The following TM2D1 variants were observed in gnomAD, a reference collection of about 807,000 sequenced individuals.
TM2D1 encodes TM2 domain containing 1.
In TM2D1, 15 loss-of-function variants were observed where a neutral mutation model predicts 28.4. The ratio of observed to expected loss-of-function variants is 0.53; its 90% CI spans 0.35 to 0.81. The LOEUF (loss-of-function observed/expected upper bound fraction) is 0.81, where lower values mean the gene tolerates loss of function less well. Ranked by LOEUF, TM2D1 falls within the 40% of genes least tolerant of loss-of-function variation. The probability of loss-of-function intolerance (pLI) is 0.01; values close to 1 mark genes in which losing one functional copy is unlikely to be tolerated. For missense variants in TM2D1, 236 were observed against 254.9 expected, an observed-to-expected ratio of 0.93 and a Z score of 0.50; for synonymous variants, 93 against 96.2, an observed-to-expected ratio of 0.97 and a Z score of 0.20.
chr1:61,709,545 A>G, intron 2 of TM2D1, 108 bp from the exon 3 acceptor site: 1 of 729,698 alleles, frequency 1.4e-6, no homozygotes, highest in Non-Finnish European at 2.4e-6. Context: ...TCCCAATATA[A>G]CATGACACAA....
chr1:61,708,473 C>T (rs528292516), intron 3 of TM2D1, among the ~76,000 whole-genome samples: 1 of 152,272 alleles, frequency 6.6e-6, no homozygotes, highest in South Asian at 2.1e-4. Flanking sequence ...CCAGGCTAAA[C>T]GTGAACTTCC....
intron 4 of TM2D1, among the ~76,000 whole-genome samples, chr1:61,697,054 C>G (rs1324621411): frequency 6.6e-6 from 1 of 151,946 alleles, no homozygotes; most frequent in Non-Finnish European, 1.5e-5. Flanking sequence ...TCGTTTAATT[C>G]TTATTGCCCT....
intron 2 of TM2D1, among the ~76,000 whole-genome samples, chr1:61,715,572 C>T (rs1258300519): frequency 3.0e-5 from 4 of 134,666 alleles, no homozygotes; most frequent in Admixed American, 8.4e-5. Context: ...TGCTTGAACC[C>T]GAGAGGCAGT....
intron 3 of TM2D1, 124 bp from the exon 4 acceptor site, chr1:61,701,149 T>C: frequency 1.5e-6 from 1 of 679,962 alleles, no homozygotes; most frequent in Non-Finnish European, 2.5e-6. Context: ...AGATGCCTCC[T>C]GTGTGTCAGG....
chr1:61,723,656 A>T, intron 2 of TM2D1, 57 bp downstream of exon 2: 1 of 901,814 alleles, frequency 1.1e-6, no homozygotes, highest in Non-Finnish European at 1.7e-6. Context: ...TCATACATTG[A>T]CCTATGAAAT....
At chr1:61,716,681 A>C (rs945855925) in intron 2 of TM2D1, among the ~76,000 whole-genome samples, 12 of 151,086 alleles carry the variant, frequency 7.9e-5, no homozygotes, top group Admixed American at 7.3e-4. Flanking sequence ...AGAAATGAAT[A>C]TAACATTGTG....
At chr1:61,691,932 A>AAAATATATATATACATATATATATAT in intron 5 of TM2D1, among the ~76,000 whole-genome samples, 1 of 76,414 alleles carries the variant, frequency 1.3e-5, no homozygotes, top group Admixed American at 1.7e-4. Flanking sequence ...AAAAAAAAAA[A>AAAATATATATATACATATATATATAT]ATATATATAT....
intron 2 of TM2D1, among the ~76,000 whole-genome samples, chr1:61,716,428 T>C (rs1286516493): frequency 1.4e-5 from 2 of 141,798 alleles, no homozygotes; most frequent in Non-Finnish European, 3.0e-5. Context: ...TATAATTATA[T>C]ATAAGTGTAT....
intron 4 of TM2D1, chr1:61,699,903 A>T: frequency 6.7e-6 from 2 of 300,018 alleles, no homozygotes; most frequent in Non-Finnish European, 1.2e-5. Flanking sequence ...GAGTTTTAGT[A>T]TAGCTGTCAG....
chr1:61,700,239 T>G (rs765619561), intron 4 of TM2D1: 4 of 1,525,174 alleles, frequency 2.6e-6, no homozygotes, highest in Non-Finnish European at 3.5e-6. Flanking sequence ...CTAGACTCAG[T>G]AAATCCCTTA....
chr1:61,688,258 A>T (rs1419990298), intron 5 of TM2D1, among the ~76,000 whole-genome samples: 1 of 152,226 alleles, frequency 6.6e-6, no homozygotes, highest in Non-Finnish European at 1.5e-5. Flanking sequence ...CTAAAAAAAA[A>T]TCTACCCACA....
chr1:61,681,933 G>A (rs1035188115), intron 6 of TM2D1, among the ~76,000 whole-genome samples: 4 of 152,148 alleles, frequency 2.6e-5, no homozygotes. Flanking sequence ...TTCCTGGTAA[G>A]AAGAGGTAGA....
chr1:61,692,733 T>C (rs183607609), intron 5 of TM2D1, among the ~76,000 whole-genome samples: 10 of 152,080 alleles, frequency 6.6e-5, no homozygotes, highest in Admixed American at 5.2e-4. Context: ...ATGTTAAATA[T>C]GTTAAATGAC....
At chr1:61,712,207 A>C (rs1027256931) in intron 2 of TM2D1, among the ~76,000 whole-genome samples, 1 of 152,156 alleles carries the variant, frequency 6.6e-6, no homozygotes, top group African/African-American at 2.4e-5. Context: ...TAGCCTCCCC[A>C]CAACAATGAA....
intron 2 of TM2D1, among the ~76,000 whole-genome samples, chr1:61,716,525 T>G (rs1175383677): frequency 6.9e-6 from 1 of 145,750 alleles, no homozygotes; most frequent in African/African-American, 2.5e-5. Context: ...ATGTATATAA[T>G]TATATATGTG....
At chr1:61,687,176 A>G (rs1570094081) in intron 5 of TM2D1, among the ~76,000 whole-genome samples, 1 of 152,186 alleles carries the variant, frequency 6.6e-6, no homozygotes, top group Non-Finnish European at 1.5e-5. Context: ...TCCTGTCTCT[A>G]TTTGTAAAAA....
intron 5 of TM2D1, among the ~76,000 whole-genome samples, chr1:61,691,933 A>AAAAAATATATATATATATATATG (rs1491136530): frequency 2.4e-5 from 2 of 83,026 alleles, no homozygotes; most frequent in African/African-American, 6.9e-5. Flanking sequence ...AAAAAAAAAA[A>AAAAAATATATATATATATATATG]TATATATATA....
intron 3 of TM2D1, among the ~76,000 whole-genome samples, chr1:61,701,536 C>T (rs987156124): frequency 1.4e-5 from 2 of 146,182 alleles, no homozygotes; most frequent in African/African-American, 5.1e-5. Context: ...CAAGTAAGAT[C>T]CCTGCTCATA....
At chr1:61,687,376 C>A (rs968990066) in intron 5 of TM2D1, among the ~76,000 whole-genome samples, 1 of 152,142 alleles carries the variant, frequency 6.6e-6, no homozygotes, top group Non-Finnish European at 1.5e-5. Context: ...ACTAACTGTA[C>A]ACTTAAAGAT....
Sources: allele counts gnomAD v4.1 joint callset (sites outside exome capture counted in the v4.1 genomes callset), GRCh38; gene constraint gnomAD v4.1.1; transcripts MANE v1.5; gene names NCBI Gene and HGNC (gene_info 2026-07-23, HGNC 2026-07-21).